Variants in TOP1 observed in about 807,000 individuals in gnomAD.
The protein encoded by TOP1 is DNA topoisomerase 1.
TOP1 carries 10 observed loss-of-function variants against 111.1 expected under a neutral mutation model. That is an observed-to-expected ratio of 0.09 (90% confidence interval 0.06 to 0.15). The LOEUF is 0.15. TOP1 is among the 10% of genes least tolerant of loss of function. The probability of loss-of-function intolerance (pLI) is 1.00; values close to 1 mark genes in which losing one functional copy is unlikely to be tolerated. For synonymous variants in TOP1, 271 were observed against 302.9 expected (o/e 0.89, Z 1.10); for missense variants, 474 against 926.7 (o/e 0.51, Z 6.34).
At position 41,061,930 on chromosome 20, in the gene TOP1, T is replaced by C. The variant is rs1394139638; in HGVS notation, c.155+440T>C. On this transcript the variant is annotated intron_variant, in intron 3 of 20. Coordinates refer to ENST00000361337, the MANE Select transcript of TOP1 (RefSeq NM_003286.4). This position sits in a 1 kb window ranked among gnomAD's most constrained non-coding sequence, Gnocchi z 4.6. ...TGGTCTGTTAGCCCCTGAAATTATATGCAAATGGTTGAGTATATGAGATTT... is the reference window on the plus strand; with the variant it reads ...TGGTCTGTTAGCCCCTGAAATTATACGCAAATGGTTGAGTATATGAGATTT... Among the ~76,000 whole-genome samples the C allele has an allele frequency of 1.3e-5, 2 of 152,216 alleles. No homozygotes were observed. Among genetic ancestry groups the C allele is most frequent in the Admixed American group, 6.5e-5 (1 of 15,278 alleles).
chr20:41,111,932 C>A (rs2034249085), intron 13 of TOP1, among the ~76,000 whole-genome samples: 1 of 152,126 alleles, frequency 6.6e-6, no homozygotes, highest in Admixed American at 6.5e-5. Flanking sequence ...TTTCATTCAG[C>A]TTGGTAGCAG....
In TOP1 at chr20:41,122,950, T is replaced by G. The variant is rs952333339; in HGVS notation, c.2196-245T>G. ...GAGAAAATCAGTAAATTACCTAACGTCTCTGCCTCAGTTTCATCTGTACGT... is the reference window on the plus strand; with the variant it reads ...GAGAAAATCAGTAAATTACCTAACGGCTCTGCCTCAGTTTCATCTGTACGT... On this transcript the variant is annotated intron_variant, in intron 20 of 20. Transcript: ENST00000361337. The surrounding 1 kb of genome is among the most constrained non-coding windows in gnomAD (Gnocchi z 5.4). 1.3e-5 allele frequency among the ~76,000 whole-genome samples: 2 copies of G among 152,240 alleles called. No individual in the cohort carries two copies. The highest frequency in any genetic ancestry group is 2.9e-5 in the Non-Finnish European group (2 of 68,038).
intron 2 of TOP1, among the ~76,000 whole-genome samples, chr20:41,043,087 T>C (rs1600555356): frequency 6.6e-6 from 1 of 152,220 alleles, no homozygotes; most frequent in East Asian, 1.9e-4. Context: ...TCTCAATGTG[T>C]GGTTTCCTGA....
rs886276187 is a variant in TOP1, at chr20:41,113,631, A to T, written c.1453-339A>T. Among the ~76,000 whole-genome samples, 3 of 151,190 alleles carry T rather than the reference A, an allele frequency of 2.0e-5. No individual in the cohort carries two copies. The East Asian group carries it at 5.9e-4, about 30-fold the overall frequency. On this transcript the variant is annotated intron_variant, in intron 14 of 20. Coordinates refer to ENST00000361337, the MANE Select transcript of TOP1 (RefSeq NM_003286.4). ...AGTGGCTCACGCCTGTAATCCCAGC[A>T]CTTTGGGAGGCCAAGGCAGGTGGAA...
rs961658403 is a variant in TOP1 at position 41,113,890 on chromosome 20, A to C, written c.1453-80A>C. ...GAGCGAGACTGTCTCAAAAAAAAAA[A>C]AAAAAAAAACACAGAACGAAATTGT... On this transcript the variant is annotated intron_variant, in intron 14 of 20. Transcript: ENST00000361337. 4.8e-5 allele frequency: 59 copies of C among 1,218,662 alleles called. No homozygotes were observed. The African/African-American group carries it at 8.0e-4, about 17-fold the overall frequency. 75.5% of individuals were successfully genotyped at this position (1,218,662 alleles called of 1,614,324 possible). A position where few individuals can be genotyped will look rare whatever the true frequency, so the allele number is the denominator to read the frequency against.
At chr20:41,042,696 A>G (rs1284790145) in intron 2 of TOP1, among the ~76,000 whole-genome samples, 1 of 152,234 alleles carries the variant, frequency 6.6e-6, no homozygotes, top group African/African-American at 2.4e-5. Context: ...CTATGCAGTC[A>G]AAAATTCGAG....
chr20:41,097,278 G>T lies in TOP1; in HGVS notation c.789G>T (p.Met263Ile). 2 of 1,613,994 alleles carry T rather than the reference G, an allele frequency of 1.2e-6. No homozygotes were observed. Among genetic ancestry groups the T allele is most frequent in the Non-Finnish European group, 1.7e-6 (2 of 1,179,972 alleles). The change falls in exon 10 of 21, where the codon ATG (methionine) becomes ATT (isoleucine). Residue 263 changes from methionine (M) to isoleucine (I), a missense_variant. Met to Ile is a conservative substitution (Grantham distance 10). Coordinates refer to ENST00000361337, the MANE Select transcript of TOP1 (RefSeq NM_003286.4). The surrounding 1 kb of genome is among the most constrained non-coding windows in gnomAD (Gnocchi z 4.2). ...AEEVATFFAK[M>I]LDHEYTTKEI... is the part of the protein sequence containing the mutation. ...AAGTAGCTACGTTCTTTGCAAAAATGCTCGACCATGAATATACTACCAAGG... is the reference window on the plus strand; with the variant it reads ...AAGTAGCTACGTTCTTTGCAAAAATTCTCGACCATGAATATACTACCAAGG...
chr20:41,101,076 T>C lies in TOP1; in HGVS notation c.1164-133T>C, dbSNP rs1280053976. ...AGGGTAAGTAAAACCATGCATAAGGTGGGACTACTGTATTGACTGTTAAGA... is the reference window on the plus strand; with the variant it reads ...AGGGTAAGTAAAACCATGCATAAGGCGGGACTACTGTATTGACTGTTAAGA... On this transcript the variant is annotated intron_variant, in intron 12 of 20. Transcript: ENST00000361337. The surrounding 1 kb of genome is among the most constrained non-coding windows in gnomAD (Gnocchi z 4.1). 1 of 800,184 alleles carries C rather than the reference T, an allele frequency of 1.2e-6. No individual in the cohort carries two copies. The highest frequency in any genetic ancestry group is 2.0e-6 in the Non-Finnish European group (1 of 500,544). 49.6% of individuals were successfully genotyped at this position (800,184 alleles called of 1,614,324 possible). A position where few individuals can be genotyped will look rare whatever the true frequency, so the allele number is the denominator to read the frequency against.
chr20:41,088,586 C>T (rs991459293), intron 8 of TOP1, among the ~76,000 whole-genome samples: 8 of 152,072 alleles, frequency 5.3e-5, no homozygotes, highest in Admixed American at 2.6e-4. Flanking sequence ...GGGTGGCGTT[C>T]GGAATCTCCT....
Position 41,112,946 on chromosome 20 carries a change from G to T in TOP1, c.1452+21G>T. ...ACAAGGTGAGAGCATCTTCCCATCG[G>T]CATTGTCTAGTGTTGAGCTTAACAA... On this transcript the variant is annotated intron_variant, in intron 14 of 20. Coordinates refer to ENST00000361337, the MANE Select transcript of TOP1 (RefSeq NM_003286.4). The surrounding 1 kb of genome is among the most constrained non-coding windows in gnomAD (Gnocchi z 5.8). The T allele has an allele frequency of 6.2e-7, 1 of 1,611,616 alleles. No individual in the cohort carries two copies. Among genetic ancestry groups the T allele is most frequent in the Non-Finnish European group, 8.5e-7 (1 of 1,178,506 alleles).
chr20:41,081,087 A>G, intron 6 of TOP1, 78 bp from the exon 7 acceptor site: 4 of 1,394,196 alleles, frequency 2.9e-6, no homozygotes, highest in Admixed American at 4.8e-5. Flanking sequence ...GAGGCATCCA[A>G]GAGTTTGTAG....
chr20:41,046,842 A>C lies in TOP1; in HGVS notation c.59-14552A>C, dbSNP rs922255999. Among the ~76,000 whole-genome samples the C allele has an allele frequency of 6.6e-6, 1 of 152,246 alleles. No individual in the cohort carries two copies. The highest frequency in any genetic ancestry group is 1.5e-5 in the Non-Finnish European group (1 of 68,050). Reference sequence around the variant, plus strand: ...AGGGGAATAAATAACAAATTTAACCAGCTTGCTGCTTAAGAAGCAGAATTA... The same window carrying C: ...AGGGGAATAAATAACAAATTTAACCCGCTTGCTGCTTAAGAAGCAGAATTA... On this transcript the variant is annotated intron_variant, in intron 2 of 20. Transcript: ENST00000361337. The surrounding 1 kb of genome is among the most constrained non-coding windows in gnomAD (Gnocchi z 4.3).
chr20:41,113,003 C>CCTGTATAT (rs1297387635), intron 14 of TOP1, 78 bp downstream of exon 14: 2 of 1,448,902 alleles, frequency 1.4e-6, no homozygotes, highest in Non-Finnish European at 1.9e-6. Flanking sequence ...AGGCCCTGTG[C>CCTGTATAT]CACATACTGT....
At chr20:41,051,512 GT>G (rs1391354170) in intron 2 of TOP1, among the ~76,000 whole-genome samples, 1 of 152,134 alleles carries the variant, frequency 6.6e-6, no homozygotes, top group Non-Finnish European at 1.5e-5. Context: ...CTTGGATTGA[GT>G]TTAGAGACAC....
chr20:41,082,837 G>GT lies in TOP1; in HGVS notation c.507+1607dup, dbSNP rs3091559. Among the ~76,000 whole-genome samples, 149,027 of 149,790 alleles carry GT rather than the reference G, an allele frequency of 0.99. 74,134 individuals carry two copies. Among genetic ancestry groups the GT allele is most frequent in the Non-Finnish European group, 1 (67,217 of 67,356 alleles). ...AATATAAAACTTGAGTTCTCCAAGT[G>GT]TTTTTTTTTTATGTTTATATTGCAT... On this transcript the variant is annotated intron_variant, in intron 7 of 20. Coordinates refer to ENST00000361337, the MANE Select transcript of TOP1 (RefSeq NM_003286.4). The surrounding 1 kb of genome is among the most constrained non-coding windows in gnomAD (Gnocchi z 4.1).
Position 41,115,327 on chromosome 20 carries a change from A to AT in TOP1, c.1639-37dup, listed in dbSNP as rs1346716132. The AT allele has an allele frequency of 7.0e-7, 1 of 1,433,202 alleles. No individual in the cohort carries two copies. The highest frequency in any genetic ancestry group is 1.4e-5 in the African/African-American group (1 of 71,012). 88.8% of individuals were successfully genotyped at this position (1,433,202 alleles called of 1,614,324 possible). Reference sequence around the variant, plus strand: ...GTTTGGGGTTATTTCTAAAGTTAGGATTTTTTTCAAGAGTAATAATTAGGA... The same window carrying AT: ...GTTTGGGGTTATTTCTAAAGTTAGGATTTTTTTTCAAGAGTAATAATTAGGA... On this transcript the variant is annotated intron_variant, in intron 15 of 20. Coordinates refer to ENST00000361337, the MANE Select transcript of TOP1 (RefSeq NM_003286.4). This position sits in a 1 kb window ranked among gnomAD's most constrained non-coding sequence, Gnocchi z 6.3.
chr20:41,051,527 A>G (rs2033405400), intron 2 of TOP1, among the ~76,000 whole-genome samples: 1 of 152,212 alleles, frequency 6.6e-6, no homozygotes, highest in Non-Finnish European at 1.5e-5. Context: ...GAGACACCAG[A>G]TAGAATAAGA....
rs2034194603 is a variant in TOP1, at chr20:41,109,176, G to A, written c.1309-3606G>A. ...CCACCTAGGGATTAAAGGGCTAAAT[G>A]TGAAGGAAAGTATCTTTACAATATT... On this transcript the variant is annotated intron_variant, in intron 13 of 20. Coordinates refer to ENST00000361337, the MANE Select transcript of TOP1 (RefSeq NM_003286.4). This position sits in a 1 kb window ranked among gnomAD's most constrained non-coding sequence, Gnocchi z 4.1. Among the ~76,000 whole-genome samples, 1 of 152,174 alleles carries A rather than the reference G, an allele frequency of 6.6e-6. No homozygotes were observed. Among genetic ancestry groups the A allele is most frequent in the Non-Finnish European group, 1.5e-5 (1 of 68,030 alleles).
Position 41,071,839 on chromosome 20 carries a change from G to A in TOP1, c.156-4332G>A, listed in dbSNP as rs1246478791. On this transcript the variant is annotated intron_variant, in intron 3 of 20. Transcript: ENST00000361337. The surrounding 1 kb of genome is among the most constrained non-coding windows in gnomAD (Gnocchi z 4.3). ...ACCAAGAAGTCAGCATCTATGCCTA[G>A]CCAATAATTGGTTGTTTTCTCGTTC... 1.3e-5 allele frequency among the ~76,000 whole-genome samples: 2 copies of A among 152,192 alleles called. No homozygotes were observed. Among genetic ancestry groups the A allele is most frequent in the Non-Finnish European group, 2.9e-5 (2 of 68,042 alleles).
Sources: gnomAD v4.1 joint callset for allele counts (sites outside exome capture counted in the v4.1 genomes callset) on GRCh38, gnomAD v4.1.1 for gene constraint, Gnocchi (gnomAD v3.1) non-coding constraint, MANE v1.5 for transcripts, NCBI Gene and HGNC (gene_info 2026-07-23, HGNC 2026-07-21) for gene names.